BNIP3L: variants seen among roughly 807,000 people sequenced by gnomAD.
BNIP3L encodes the protein BCL2 interacting protein 3 like.
BNIP3L carries 10 observed loss-of-function variants against 25.5 expected under a neutral mutation model. That is an observed-to-expected ratio of 0.39 (90% CI 0.24 to 0.67). The LOEUF is 0.67. Ranked by LOEUF, BNIP3L falls within the 30% of genes least tolerant of loss-of-function variation. The pLI is 0.45. For synonymous variants in BNIP3L, 113 were observed against 101.2 expected (o/e 1.12, Z -0.70); for missense variants, 215 against 270.9 (o/e 0.79, Z 1.45).
intron 1 of BNIP3L, among the ~76,000 whole-genome samples, chr8:26,385,542 G>T (rs1805974018): frequency 6.7e-6 from 1 of 149,798 alleles, no homozygotes; most frequent in African/African-American, 2.5e-5. Flanking sequence ...GGCAGAGGTT[G>T]CAGTGAGCCG....
chr8:26,403,394 A>G (rs17055186), intron 3 of BNIP3L, among the ~76,000 whole-genome samples: 22,747 of 152,158 alleles, frequency 0.15, 1,987 homozygotes, highest in East Asian at 0.41. Flanking sequence ...AAAAGCAGTT[A>G]AAGGACTGTT....
chr8:26,390,248 C>A, intron 1 of BNIP3L: 1 of 697,926 alleles, frequency 1.4e-6, no homozygotes, highest in Non-Finnish European at 1.8e-6. Context: ...GCCACTGTAC[C>A]TGGCCTCAAC....
At position 26,411,896 on chromosome 8, in the gene BNIP3L, C is replaced by T. The variant is rs12165; in HGVS notation, c.*1484C>T. On this transcript the variant is annotated 3_prime_UTR_variant, in exon 6 of 6. Transcript: ENST00000380629. The stretch of plus-strand genomic sequence containing the variant: ...TAAAACTAGCAATCTATAAAGTGCA[C>T]CAGGTCAACTTGAATAAAAACACTA... The T allele has an allele frequency of 0.67, 101,715 of 152,440 alleles. 34,308 individuals are homozygous for T. Among genetic ancestry groups the T allele is most frequent in the East Asian group, 0.88 (4,538 of 5,180 alleles). The allele number at this position is 152,440 out of a possible 1,614,324, so 9.4% of individuals were successfully genotyped here.
chr8:26,383,976 G>C (rs1275451289), intron 1 of BNIP3L, among the ~76,000 whole-genome samples: 1 of 151,700 alleles, frequency 6.6e-6, no homozygotes, highest in Non-Finnish European at 1.5e-5. Flanking sequence ...GATTGCACAC[G>C]TCAGGGAGTC....
chr8:26,388,461 A>G (rs1226661518), intron 1 of BNIP3L, among the ~76,000 whole-genome samples: 4 of 152,168 alleles, frequency 2.6e-5, no homozygotes, highest in Non-Finnish European at 4.4e-5. Context: ...CCCTGACCAC[A>G]CTATACCAGT....
At chr8:26,391,655 A>G (rs2117470198) in intron 2 of BNIP3L, among the ~76,000 whole-genome samples, 1 of 152,270 alleles carries the variant, frequency 6.6e-6, no homozygotes, top group African/African-American at 2.4e-5. Context: ...TTTCTTACCC[A>G]GATTATATTG....
At chr8:26,384,348 G>A (rs1413203683) in intron 1 of BNIP3L, among the ~76,000 whole-genome samples, 1 of 152,186 alleles carries the variant, frequency 6.6e-6, no homozygotes, top group Admixed American at 6.5e-5. Context: ...CCCTCACCAG[G>A]TAGCGATGGA....
At chr8:26,385,077 G>T (rs1805963079) in intron 1 of BNIP3L, among the ~76,000 whole-genome samples, 1 of 151,962 alleles carries the variant, frequency 6.6e-6, no homozygotes, top group Non-Finnish European at 1.5e-5. Flanking sequence ...CATCGCACCG[G>T]CTTCTTTTCA....
rs920422873 is a variant in BNIP3L, at chr8:26,401,430, G to T, written c.357+6128G>T. Among the ~76,000 whole-genome samples, 535 of 151,790 alleles carry T rather than the reference G, an allele frequency of 3.5e-3. 12 individuals are homozygous for T. Among genetic ancestry groups the T allele is most frequent in the Admixed American group, 0.03 (460 of 15,232 alleles). On this transcript the variant is annotated intron_variant, in intron 3 of 5. Transcript: ENST00000380629. ...GGGGACTGTGGTGGGGAGCGGGGAG[G>T]GGGGAAGGATAGCATTGGGAGATAT...
chr8:26,383,121 C>A lies in BNIP3L; in HGVS notation c.-10C>A. 1 of 1,603,368 alleles carries A rather than the reference C, an allele frequency of 6.2e-7. No individual in the cohort carries two copies. Among genetic ancestry groups the A allele is most frequent in the Non-Finnish European group, 8.5e-7 (1 of 1,175,014 alleles). ...CCTGCTGCTGCCGCAGTCCTGCCAG[C>A]TGTCCGACAATGTCGTCCCACCTAG... On this transcript the variant is annotated 5_prime_UTR_variant, in exon 1 of 6. It adds an upstream start codon to the 5' untranslated region. Transcript: ENST00000380629.
At chr8:26,405,292 T>C (rs990262745) in intron 3 of BNIP3L, among the ~76,000 whole-genome samples, 4 of 152,222 alleles carry the variant, frequency 2.6e-5, no homozygotes, top group African/African-American at 9.6e-5. Flanking sequence ...TAGTCAGATA[T>C]TGTGTGTACA....
intron 3 of BNIP3L, among the ~76,000 whole-genome samples, chr8:26,404,696 C>T (rs1806460172): frequency 6.6e-6 from 1 of 152,062 alleles, no homozygotes; most frequent in African/African-American, 2.4e-5. Context: ...TTAGTAGAGA[C>T]AGGGTTTCGC....
At chr8:26,383,328 G>A in intron 1 of BNIP3L, 98 bp downstream of exon 1, 4 of 1,512,866 alleles carry the variant, frequency 2.6e-6, no homozygotes, top group Middle Eastern at 2.1e-4. Context: ...GGAGAAGGCA[G>A]CTCATTGGCT....
chr8:26,388,176 T>C (rs1806029811), intron 1 of BNIP3L, among the ~76,000 whole-genome samples: 1 of 152,244 alleles, frequency 6.6e-6, no homozygotes, highest in African/African-American at 2.4e-5. Context: ...TTTAATTTTA[T>C]GTACTGATGT....
chr8:26,389,965 G>C (rs1563337924), intron 1 of BNIP3L, among the ~76,000 whole-genome samples: 1 of 152,158 alleles, frequency 6.6e-6, no homozygotes, highest in East Asian at 1.9e-4. Context: ...CTTCTGCTGG[G>C]AGTTTAGAGG....
chr8:26,406,842 G>T (rs1036752695), intron 3 of BNIP3L, among the ~76,000 whole-genome samples: 2 of 151,002 alleles, frequency 1.3e-5, no homozygotes, highest in Non-Finnish European at 2.9e-5. Context: ...CATGTAACAT[G>T]CTTGGAATAA....
intron 3 of BNIP3L, among the ~76,000 whole-genome samples, chr8:26,404,151 A>G (rs1472410505): frequency 6.6e-6 from 1 of 152,216 alleles, no homozygotes; most frequent in Non-Finnish European, 1.5e-5. Context: ...TTTTCGGATG[A>G]TCATCCTCAA....
chr8:26,406,815 G>GA (rs528016667), intron 3 of BNIP3L, among the ~76,000 whole-genome samples: 528 of 123,132 alleles, frequency 4.3e-3, no homozygotes, highest in East Asian at 0.019. Flanking sequence ...CCTGTCTCCA[G>GA]AAAAAAAAAA....
chr8:26,395,135 ACTG>A lies in BNIP3L; in HGVS notation c.285-91_285-89del, dbSNP rs1028032558. On this transcript the variant is annotated intron_variant, in intron 2 of 5. Transcript: ENST00000380629. ...CTCTGATTTGCTTTTTCAAAGCCATACTGCTGTAACTTTTAATTTTCTAATTTC... is the reference window on the plus strand; with the variant it reads ...CTCTGATTTGCTTTTTCAAAGCCATACTGTAACTTTTAATTTTCTAATTTC... 4.6e-6 allele frequency: 6 copies of A among 1,298,840 alleles called. No homozygotes were observed. In the African/African-American group the frequency reaches 8.9e-5, roughly 19 times the overall value. 80.5% of individuals were successfully genotyped at this position (1,298,840 alleles called of 1,614,324 possible). A position where few individuals can be genotyped will look rare whatever the true frequency, so the allele number is the denominator to read the frequency against.
Sources: gnomAD v4.1 joint callset for allele counts (sites outside exome capture counted in the v4.1 genomes callset) on GRCh38, gnomAD v4.1.1 for gene constraint, MANE v1.5 for transcripts, NCBI Gene and HGNC (gene_info 2026-07-23, HGNC 2026-07-21) for gene names.